The following DKK2 variants were observed in gnomAD, a reference collection of about 807,000 sequenced individuals.
DKK2 encodes dickkopf-related protein 2.
Under a neutral mutation model 28.1 loss-of-function variants are expected in DKK2, and 11 were observed. That is an observed-to-expected ratio of 0.39 (90% CI 0.25 to 0.65). The LOEUF (loss-of-function observed/expected upper bound fraction) is 0.65, where lower values mean the gene tolerates loss of function less well. Ranked by LOEUF, DKK2 falls within the 30% of genes least tolerant of loss-of-function variation. The pLI is 0.47. For missense variants in DKK2, 326 were observed against 335.5 expected (o/e 0.97, Z 0.22); for synonymous variants, 135 against 126.5 (o/e 1.07, Z -0.45).
At chr4:106,972,024 G>T (rs968487596) in intron 1 of DKK2, among the ~76,000 whole-genome samples, 3 of 152,066 alleles carry the variant, frequency 2.0e-5, no homozygotes, top group African/African-American at 7.2e-5. Flanking sequence ...AATTTGTGAT[G>T]CTAGCTAATA....
intron 1 of DKK2, among the ~76,000 whole-genome samples, chr4:106,995,876 G>A (rs908729633): frequency 1.3e-5 from 2 of 152,164 alleles, no homozygotes; most frequent in African/African-American, 2.4e-5. Context: ...CTCCCAAAGT[G>A]CTGGGATTAC....
intron 1 of DKK2, among the ~76,000 whole-genome samples, chr4:107,031,508 ACATAACTTCATCCAAAC>A (rs1723875257): frequency 6.6e-6 from 1 of 152,038 alleles, no homozygotes; most frequent in African/African-American, 2.4e-5. Context: ...TTTTCTCACA[ACATAACTTCATCCAAAC>A]CACTATCCTT....
At chr4:106,996,087 A>G (rs771253165) in intron 1 of DKK2, among the ~76,000 whole-genome samples, 1 of 152,196 alleles carries the variant, frequency 6.6e-6, no homozygotes, top group Non-Finnish European at 1.5e-5. Context: ...AACAACAAAA[A>G]GTCTACATTG....
chr4:107,000,203 T>A (rs1272839051), intron 1 of DKK2, among the ~76,000 whole-genome samples: 1 of 152,192 alleles, frequency 6.6e-6, no homozygotes, highest in Non-Finnish European at 1.5e-5. Context: ...TAGTCCTTGG[T>A]CAATGGTAAT....
At chr4:106,995,558 AAAT>A (rs749793860) in intron 1 of DKK2, among the ~76,000 whole-genome samples, 3 of 152,202 alleles carry the variant, frequency 2.0e-5, no homozygotes, top group Non-Finnish European at 4.4e-5. Context: ...GAGGAAAAGC[AAAT>A]AATTTTCATA....
rs563294442 is a variant in DKK2, at chr4:107,013,596, A to C, written c.222+21774T>G. On this transcript the variant is annotated intron_variant, in intron 1 of 3. Transcript: ENST00000285311. Reference sequence around the variant, plus strand: ...TGAAATTATAAAACCACCAGGAAAAAATGCAGGAGAAATGCTTTATGACAT... The same window carrying C: ...TGAAATTATAAAACCACCAGGAAAACATGCAGGAGAAATGCTTTATGACAT... 2.0e-5 allele frequency among the ~76,000 whole-genome samples: 3 copies of C among 151,684 alleles called. No individual in the cohort carries two copies. In the South Asian group the frequency reaches 6.2e-4, roughly 31 times the overall value.
At chr4:106,994,233 GA>G (rs1216150333) in intron 1 of DKK2, among the ~76,000 whole-genome samples, 1 of 152,164 alleles carries the variant, frequency 6.6e-6, no homozygotes, top group Non-Finnish European at 1.5e-5. Flanking sequence ...AAGACCTCTT[GA>G]AGACAAAAGC....
chr4:106,955,595 C>T (rs1005042460), intron 1 of DKK2, among the ~76,000 whole-genome samples: 1 of 152,070 alleles, frequency 6.6e-6, no homozygotes, highest in Non-Finnish European at 1.5e-5. Context: ...CCTAACAATA[C>T]AAAAGAAGAA....
At chr4:106,978,891 G>A (rs1287521633) in intron 1 of DKK2, among the ~76,000 whole-genome samples, 1 of 152,034 alleles carries the variant, frequency 6.6e-6, no homozygotes, top group Non-Finnish European at 1.5e-5. Context: ...TGGTGGTGTA[G>A]GCACCCGAGG....
intron 1 of DKK2, among the ~76,000 whole-genome samples, chr4:106,992,649 C>G (rs1427382750): frequency 1.3e-5 from 2 of 152,118 alleles, no homozygotes; most frequent in Non-Finnish European, 2.9e-5. Flanking sequence ...ATTGTTAAAG[C>G]AATAATACAG....
chr4:106,929,654 T>C (rs146672371), intron 1 of DKK2, among the ~76,000 whole-genome samples: 69 of 152,338 alleles, frequency 4.5e-4, no homozygotes, highest in African/African-American at 1.6e-3. Context: ...CAGTGTTACT[T>C]ATTATTACAA....
Position 106,940,376 on chromosome 4 carries a change from C to T in DKK2, c.223-14427G>A, listed in dbSNP as rs1163609096. On this transcript the variant is annotated intron_variant, in intron 1 of 3. Coordinates refer to ENST00000285311, the MANE Select transcript of DKK2 (RefSeq NM_014421.3). ...TGAAAAAATGCTCATCATCACTGGC[C>T]GTCAGAGAAATGCAAATCAAAACCA... is the stretch of plus-strand genomic sequence containing the variant. 6.6e-5 allele frequency among the ~76,000 whole-genome samples: 10 copies of T among 151,882 alleles called. No homozygotes were observed. The South Asian group carries it at 1.7e-3, about 25-fold the overall frequency.
chr4:106,934,064 C>T (rs1426790782), intron 1 of DKK2, among the ~76,000 whole-genome samples: 5 of 148,022 alleles, frequency 3.4e-5, no homozygotes, highest in East Asian at 2.0e-4. Flanking sequence ...CAGATACACA[C>T]ACACACACAC....
intron 1 of DKK2, among the ~76,000 whole-genome samples, chr4:107,011,685 G>T (rs1723519725): frequency 6.8e-6 from 1 of 148,004 alleles, no homozygotes; most frequent in Admixed American, 7.0e-5. Context: ...ATATATCTTT[G>T]TCTGAGTGTG....
At chr4:107,002,943 A>G (rs1163750812) in intron 1 of DKK2, among the ~76,000 whole-genome samples, 1 of 152,162 alleles carries the variant, frequency 6.6e-6, no homozygotes, top group Non-Finnish European at 1.5e-5. Flanking sequence ...AAAAATCCTT[A>G]ATATAGCATT....
intron 1 of DKK2, among the ~76,000 whole-genome samples, chr4:107,014,201 GC>G (rs1723557899): frequency 6.6e-6 from 1 of 151,398 alleles, no homozygotes; most frequent in Non-Finnish European, 1.5e-5. Context: ...GTTTATTGTA[GC>G]ATGATTTACA....
At chr4:106,983,452 T>C (rs763585520) in intron 1 of DKK2, among the ~76,000 whole-genome samples, 15 of 152,012 alleles carry the variant, frequency 9.9e-5, no homozygotes, top group Non-Finnish European at 2.1e-4. Context: ...CTCAAAAGTA[T>C]TGAATGAATC....
intron 1 of DKK2, among the ~76,000 whole-genome samples, chr4:106,994,854 G>A (rs1161974305): frequency 6.6e-6 from 1 of 152,182 alleles, no homozygotes; most frequent in African/African-American, 2.4e-5. Context: ...GCTCCTGTTT[G>A]GCCAACACAT....
chr4:107,019,613 A>G (rs1373251926), intron 1 of DKK2, among the ~76,000 whole-genome samples: 2 of 152,094 alleles, frequency 1.3e-5, no homozygotes, highest in Non-Finnish European at 2.9e-5. Context: ...ATACTAGAGT[A>G]GTATACTGAT....
Sources: gnomAD v4.1 joint callset for allele counts (sites outside exome capture counted in the v4.1 genomes callset) on GRCh38, gnomAD v4.1.1 for gene constraint, MANE v1.5 for transcripts, NCBI Gene and HGNC (gene_info 2026-07-23, HGNC 2026-07-21) for gene names.